The following SYNGR1 variants were observed in gnomAD, a reference collection of about 807,000 sequenced individuals.
The protein encoded by SYNGR1 is synaptogyrin-1.
A neutral mutation model predicts 26.1 loss-of-function variants in SYNGR1; 14 were observed. That is an observed-to-expected ratio of 0.54 (90% CI 0.35 to 0.84). The LOEUF (loss-of-function observed/expected upper bound fraction) is 0.84, where lower values mean the gene tolerates loss of function less well. Among genes scored for constraint, SYNGR1 ranks in the 40% least tolerant of loss-of-function variants. The pLI is 0.01. For synonymous variants in SYNGR1, 141 were observed against 150.1 expected, an observed-to-expected ratio of 0.94 and a Z score of 0.44; for missense variants, 319 against 332.9, an observed-to-expected ratio of 0.96 and a Z score of 0.33.
At chr22:39,363,086 G>A (rs1357698372) in intron 1 of SYNGR1, among the ~76,000 whole-genome samples, 1 of 152,180 alleles carries the variant, frequency 6.6e-6, no homozygotes, top group Non-Finnish European at 1.5e-5. Flanking sequence ...CCAGCTGAAG[G>A]AAGATCTGGA....
intron 1 of SYNGR1, among the ~76,000 whole-genome samples, chr22:39,364,821 T>C (rs974956699): frequency 1.3e-5 from 2 of 152,128 alleles, no homozygotes; most frequent in Non-Finnish European, 2.9e-5. Context: ...TGTCTCTGAA[T>C]CCAGTAGCCA....
intron 1 of SYNGR1, among the ~76,000 whole-genome samples, chr22:39,361,606 C>T (rs866134076): frequency 4.0e-5 from 6 of 151,610 alleles, no homozygotes; most frequent in Admixed American, 6.6e-5. Flanking sequence ...GTCATCCACC[C>T]GCCTCTGCCT....
intron 1 of SYNGR1, among the ~76,000 whole-genome samples, chr22:39,352,312 A>G (rs1377892594): frequency 1.3e-5 from 2 of 152,234 alleles, no homozygotes; most frequent in African/African-American, 4.8e-5. Flanking sequence ...TGTCTGATAC[A>G]GGCTGATTGA....
At chr22:39,354,388 C>T (rs1419267294) in intron 1 of SYNGR1, among the ~76,000 whole-genome samples, 1 of 152,270 alleles carries the variant, frequency 6.6e-6, no homozygotes, top group South Asian at 2.1e-4. Flanking sequence ...TGGTTTGAAC[C>T]CGGACTGCTG....
chr22:39,376,120 A>G lies in SYNGR1; in HGVS notation c.406A>G (p.Lys136Glu). The change falls in exon 3 of 4, where the codon AAG (lysine) becomes GAG (glutamate). Residue 136 changes from lysine to glutamate, a missense_variant. Coordinates refer to ENST00000328933, the MANE Select transcript of SYNGR1 (RefSeq NM_004711.5). The stretch of plus-strand genomic sequence containing the variant: ...CAACCAGTGGCAGGTCTCCAAGCCC[A>G]AGGACAACCCACTGAACGAAGGGAC... ...LANQWQVSKP[K>E]DNPLNEGTDA... 6.2e-7 allele frequency: 1 copy of G among 1,614,186 alleles called. No homozygotes were observed. The highest frequency in any genetic ancestry group is 8.5e-7 in the Non-Finnish European group (1 of 1,180,032).
intron 1 of SYNGR1, among the ~76,000 whole-genome samples, chr22:39,356,011 C>T (rs942917304): frequency 1.3e-4 from 20 of 152,038 alleles, no homozygotes; most frequent in Admixed American, 7.9e-4. Context: ...AAGAGTGAAA[C>T]TCCATTTCAA....
intron 1 of SYNGR1, among the ~76,000 whole-genome samples, chr22:39,359,624 C>CT (rs1221880013): frequency 1.4e-4 from 11 of 78,294 alleles, no homozygotes; most frequent in Non-Finnish European, 2.4e-4. Context: ...AAGTGAGACT[C>CT]TGTCTCAAAA....
intron 1 of SYNGR1, among the ~76,000 whole-genome samples, chr22:39,370,337 A>T (rs925767826): frequency 5.3e-5 from 8 of 151,872 alleles, no homozygotes; most frequent in African/African-American, 1.7e-4. Flanking sequence ...TCACCGTGTT[A>T]GCCAGGATGG....
intron 1 of SYNGR1, among the ~76,000 whole-genome samples, chr22:39,372,542 G>T (rs893455085): frequency 7.2e-6 from 1 of 139,030 alleles, no homozygotes; most frequent in East Asian, 2.2e-4. Flanking sequence ...CCTCCGCCCA[G>T]GCCCAGCAAA....
At chr22:39,358,351 C>CAGATAAGAGAAT (rs917319647) in intron 1 of SYNGR1, among the ~76,000 whole-genome samples, 1 of 152,174 alleles carries the variant, frequency 6.6e-6, no homozygotes, top group Admixed American at 6.5e-5. Flanking sequence ...TGGGTGGGGC[C>CAGATAAGAGAAT]AGATAAGAGA....
chr22:39,370,972 C>T (rs1401183803), intron 1 of SYNGR1, among the ~76,000 whole-genome samples: 3 of 152,138 alleles, frequency 2.0e-5, no homozygotes, highest in Non-Finnish European at 4.4e-5. Flanking sequence ...TTGCACCAAT[C>T]CTCCCATTCA....
intron 1 of SYNGR1, among the ~76,000 whole-genome samples, chr22:39,359,587 C>T (rs1025274230): frequency 4.3e-5 from 6 of 139,380 alleles, no homozygotes; most frequent in Admixed American, 1.7e-4. Context: ...GCCAAGATCG[C>T]GCCACCGCAC....
intron 1 of SYNGR1, among the ~76,000 whole-genome samples, chr22:39,369,008 G>A (rs988402223): frequency 2.0e-5 from 3 of 152,204 alleles, no homozygotes; most frequent in Admixed American, 6.5e-5. Context: ...TCTGAGGCTC[G>A]GAGAGGTTAA....
chr22:39,362,382 G>C (rs75261602), intron 1 of SYNGR1, among the ~76,000 whole-genome samples: 5,212 of 150,294 alleles, frequency 0.035, 302 homozygotes, highest in African/African-American at 0.12. Flanking sequence ...ATCCCCAGTG[G>C]GTCACTTCCA....
intron 1 of SYNGR1, among the ~76,000 whole-genome samples, chr22:39,362,353 C>T (rs1434070174): frequency 1.3e-5 from 2 of 152,058 alleles, no homozygotes; most frequent in Non-Finnish European, 2.9e-5. Flanking sequence ...GGGGCGACAG[C>T]TTGCGGAGAT....
chr22:39,373,094 C>T (rs1181181905), intron 1 of SYNGR1, among the ~76,000 whole-genome samples: 1 of 151,568 alleles, frequency 6.6e-6, no homozygotes, highest in Non-Finnish European at 1.5e-5. Context: ...ATGCAGGGTG[C>T]CCTGTATCTG....
At chr22:39,378,510 T>G in intron 3 of SYNGR1, 20 of 978,804 alleles carry the variant, frequency 2.0e-5, no homozygotes, top group Non-Finnish European at 2.1e-5. Flanking sequence ...CTACACAGGT[T>G]TCCTGCTTGA....
intron 2 of SYNGR1, 115 bp downstream of exon 2, chr22:39,374,668 C>A (rs774333802): frequency 3.5e-6 from 4 of 1,141,340 alleles, no homozygotes; most frequent in Non-Finnish European, 5.1e-6. Context: ...GAGGTGCAGG[C>A]GGGTGAAGGG....
chr22:39,378,100 C>G (rs1925368420), intron 3 of SYNGR1: 1 of 1,178,172 alleles, frequency 8.5e-7, no homozygotes, highest in Admixed American at 3.8e-5. Flanking sequence ...GCTGTGGGTG[C>G]AGAGCAATAG....
Sources: gnomAD v4.1 joint callset for allele counts (sites outside exome capture counted in the v4.1 genomes callset) on GRCh38, gnomAD v4.1.1 for gene constraint, MANE v1.5 for transcripts, NCBI Gene and HGNC (gene_info 2026-07-23, HGNC 2026-07-21) for gene names.